Variants in CDH4 observed in about 807,000 individuals in gnomAD.
CDH4 encodes the protein cadherin 4.
Under a neutral mutation model 86.0 loss-of-function variants are expected in CDH4, and 33 were observed. The ratio of observed to expected loss-of-function variants is 0.38; its 90% CI spans 0.29 to 0.51. The LOEUF (loss-of-function observed/expected upper bound fraction) is 0.51. Among genes scored for constraint, CDH4 ranks in the 20% least tolerant of loss-of-function variants. The pLI, the probability that CDH4 is intolerant of heterozygous loss-of-function variation, is 0.86. For missense variants in CDH4, 1,114 were observed against 1,307.4 expected (o/e 0.85, Z 2.28); for synonymous variants, 555 against 549.4 (o/e 1.01, Z -0.14).
intron 4 of CDH4, among the ~76,000 whole-genome samples, chr20:61,799,847 G>A (rs62206277): frequency 0.017 from 2,580 of 152,302 alleles, 45 homozygotes; most frequent in Admixed American, 0.035. Flanking sequence ...ACATGGTCAT[G>A]GCTGCCAGCC....
At chr20:61,282,453 A>G (rs1004587402) in intron 2 of CDH4, among the ~76,000 whole-genome samples, 2 of 152,242 alleles carry the variant, frequency 1.3e-5, no homozygotes, top group African/African-American at 4.8e-5. Flanking sequence ...ATTGTTAAAG[A>G]CTTTAGAAAA....
At chr20:61,843,216 C>T (rs910062952) in intron 4 of CDH4, among the ~76,000 whole-genome samples, 3 of 151,394 alleles carry the variant, frequency 2.0e-5, no homozygotes, top group East Asian at 1.9e-4. Flanking sequence ...TTTGGGAGGC[C>T]GAGGCGGGTG....
chr20:61,898,210 G>C (rs971914085), intron 8 of CDH4, among the ~76,000 whole-genome samples: 2 of 152,250 alleles, frequency 1.3e-5, no homozygotes, highest in African/African-American at 4.8e-5. Context: ...CCACACTGCC[G>C]CACATGCCGC....
intron 2 of CDH4, among the ~76,000 whole-genome samples, chr20:61,741,257 CT>C (rs1039583077): frequency 6.6e-6 from 1 of 152,188 alleles, no homozygotes; most frequent in Admixed American, 6.5e-5. Flanking sequence ...TGCAGGGGCC[CT>C]GGTGCGGTCC....
chr20:61,549,279 C>A (rs1312966803), intron 2 of CDH4, among the ~76,000 whole-genome samples: 2 of 152,094 alleles, frequency 1.3e-5, no homozygotes, highest in Admixed American at 6.5e-5. Flanking sequence ...GTTTTATGGG[C>A]ATAAACATGG....
intron 1 of CDH4, 145 bp from the exon 2 acceptor site, chr20:61,254,681 G>T: frequency 1.5e-6 from 1 of 660,518 alleles, no homozygotes; most frequent in East Asian, 2.6e-5. Flanking sequence ...GGAGCAGACG[G>T]GGTATCGCGT....
chr20:61,775,911 C>T (rs1156903245), intron 4 of CDH4, among the ~76,000 whole-genome samples: 1 of 152,164 alleles, frequency 6.6e-6, no homozygotes, highest in East Asian at 1.9e-4. Flanking sequence ...TAAAAGGGAA[C>T]ATGAAAGAGC....
chr20:61,775,321 G>C (rs914008157), intron 4 of CDH4, among the ~76,000 whole-genome samples: 1 of 152,096 alleles, frequency 6.6e-6, no homozygotes, highest in Non-Finnish European at 1.5e-5. Context: ...GAAGGTCACC[G>C]AGACAGGGAG....
intron 2 of CDH4, among the ~76,000 whole-genome samples, chr20:61,351,112 G>A (rs2084709553): frequency 6.6e-6 from 1 of 152,182 alleles, no homozygotes; most frequent in Admixed American, 6.5e-5. Context: ...AAGGCCTGCT[G>A]TCCTCCGTGC....
chr20:61,900,566 G>A lies in CDH4; in HGVS notation c.1188+5519G>A, dbSNP rs540825173. Reference sequence around the variant, plus strand: ...GGGACCAACAGGACACAGGCCCAGAGACGTGGGGGAATGGCGGACTGGAAA... The same window carrying A: ...GGGACCAACAGGACACAGGCCCAGAAACGTGGGGGAATGGCGGACTGGAAA... On this transcript the variant is annotated intron_variant, in intron 8 of 15. Transcript: ENST00000614565. 2.0e-5 allele frequency among the ~76,000 whole-genome samples: 3 copies of A among 152,372 alleles called. No individual in the cohort carries two copies. In the East Asian group the frequency reaches 5.8e-4, roughly 29 times the overall value.
chr20:61,433,387 G>A (rs907201195), intron 2 of CDH4, among the ~76,000 whole-genome samples: 11 of 152,076 alleles, frequency 7.2e-5, no homozygotes, highest in South Asian at 2.1e-4. Context: ...ATTCCTGTGC[G>A]TTTCAAGTGA....
chr20:61,338,182 A>G (rs1295937494), intron 2 of CDH4, among the ~76,000 whole-genome samples: 1 of 152,192 alleles, frequency 6.6e-6, no homozygotes, highest in Non-Finnish European at 1.5e-5. Context: ...TAGACAATGC[A>G]TAGCTTCATT....
intron 2 of CDH4, among the ~76,000 whole-genome samples, chr20:61,472,255 T>C (rs1272347133): frequency 6.6e-6 from 1 of 152,250 alleles, no homozygotes; most frequent in Non-Finnish European, 1.5e-5. Flanking sequence ...CACCATGCAA[T>C]GACCTCCTTT....
rs1015860891 is a variant in CDH4 at position 61,937,431 on chromosome 20, T to G, written c.*488T>G. Reference sequence around the variant, plus strand: ...GAGACTGTGTCTGTCTTTCTTACTTTTTTTTTGGTCTTTTATTAAGAAAAA... The same window carrying G: ...GAGACTGTGTCTGTCTTTCTTACTTGTTTTTTGGTCTTTTATTAAGAAAAA... On this transcript the variant is annotated 3_prime_UTR_variant, in exon 16 of 16. Coordinates refer to ENST00000614565, the MANE Select transcript of CDH4 (RefSeq NM_001794.5). 2.0e-5 allele frequency: 3 copies of G among 152,430 alleles called. No homozygotes were observed. Among genetic ancestry groups the G allele is most frequent in the Admixed American group, 6.5e-5 (1 of 15,290 alleles). 9.4% of individuals were successfully genotyped at this position (152,430 alleles called of 1,614,324 possible).
chr20:61,592,824 G>T (rs2086527784), intron 2 of CDH4, among the ~76,000 whole-genome samples: 1 of 152,312 alleles, frequency 6.6e-6, no homozygotes, highest in African/African-American at 2.4e-5. Flanking sequence ...TCACTTCATA[G>T]TGTGGTGAGG....
At chr20:61,855,328 G>A (rs1034143552) in intron 6 of CDH4, among the ~76,000 whole-genome samples, 1 of 152,202 alleles carries the variant, frequency 6.6e-6, no homozygotes, top group African/African-American at 2.4e-5. Flanking sequence ...TGCATCCAGT[G>A]TCACTGAAGG....
At chr20:61,839,734 TGTG>T (rs1982063881) in intron 4 of CDH4, among the ~76,000 whole-genome samples, 4 of 151,292 alleles carry the variant, frequency 2.6e-5, no homozygotes, top group African/African-American at 7.3e-5. Context: ...GTGTGTGTGT[TGTG>T]TGTACATGTA....
intron 2 of CDH4, chr20:61,718,947 G>C: frequency 2.1e-6 from 1 of 471,112 alleles, no homozygotes; most frequent in South Asian, 1.6e-5. Context: ...GGGTGAAGCA[G>C]GGGTCTTCTC....
intron 2 of CDH4, among the ~76,000 whole-genome samples, chr20:61,329,930 A>G (rs922473659): frequency 6.7e-6 from 1 of 149,958 alleles, no homozygotes; most frequent in Non-Finnish European, 1.5e-5. Flanking sequence ...AAGTGAGTAC[A>G]TGCAGTGTTT....
Sources: allele counts gnomAD v4.1 joint callset (sites outside exome capture counted in the v4.1 genomes callset), GRCh38; gene constraint gnomAD v4.1.1; transcripts MANE v1.5; gene names NCBI Gene and HGNC (gene_info 2026-07-23, HGNC 2026-07-21).